The following DNM3 variants were observed in gnomAD, a reference collection of about 807,000 sequenced individuals.
The protein encoded by DNM3 is dynamin-3.
Under a neutral mutation model 101.6 loss-of-function variants are expected in DNM3, and 47 were observed. The ratio of observed to expected loss-of-function variants is 0.46; its 90% CI spans 0.37 to 0.59. The LOEUF (loss-of-function observed/expected upper bound fraction) is 0.59. Ranked by LOEUF, DNM3 falls within the 20% of genes least tolerant of loss-of-function variation. The pLI, the probability that DNM3 is intolerant of heterozygous loss-of-function variation, is 0.00. For missense variants in DNM3, 849 were observed against 1,085.7 expected (o/e 0.78, Z 3.06); for synonymous variants, 385 against 387.9 (o/e 0.99, Z 0.09).
intron 11 of DNM3, among the ~76,000 whole-genome samples, chr1:172,075,931 C>A (rs1436869653): frequency 6.6e-6 from 1 of 152,194 alleles, no homozygotes; most frequent in Non-Finnish European, 1.5e-5. Flanking sequence ...AATATTGATT[C>A]TTCCTATCCA....
intron 17 of DNM3, among the ~76,000 whole-genome samples, chr1:172,347,497 A>G (rs1408590132): frequency 6.6e-6 from 1 of 152,188 alleles, no homozygotes; most frequent in Non-Finnish European, 1.5e-5. Context: ...TGGGGGAATG[A>G]CTTCTAGAAA....
At chr1:172,315,178 G>A (rs1395929857) in intron 16 of DNM3, among the ~76,000 whole-genome samples, 1 of 152,168 alleles carries the variant, frequency 6.6e-6, no homozygotes, top group African/African-American at 2.4e-5. Context: ...GCAGCTGAGG[G>A]TCCTGTCTGT....
intron 2 of DNM3, among the ~76,000 whole-genome samples, chr1:171,952,998 G>T (rs577330705): frequency 6.6e-6 from 1 of 152,146 alleles, no homozygotes; most frequent in East Asian, 1.9e-4. Flanking sequence ...CATGGCTTTT[G>T]GTAAGAAATG....
intron 4 of DNM3, among the ~76,000 whole-genome samples, chr1:171,997,466 G>A (rs1166209044): frequency 2.0e-5 from 3 of 152,140 alleles, no homozygotes; most frequent in Admixed American, 6.5e-5. Context: ...TTAGAGTAAA[G>A]GAGCAGACTA....
At chr1:171,949,007 G>C (rs1216174056) in intron 2 of DNM3, among the ~76,000 whole-genome samples, 1 of 151,970 alleles carries the variant, frequency 6.6e-6, no homozygotes, top group Non-Finnish European at 1.5e-5. Flanking sequence ...TTTTAAAAGA[G>C]AAAAGCATAA....
At chr1:172,059,852 T>C (rs1231542951) in intron 10 of DNM3, among the ~76,000 whole-genome samples, 5 of 121,162 alleles carry the variant, frequency 4.1e-5, no homozygotes, top group Non-Finnish European at 8.4e-5. Flanking sequence ...CCAGGGCAAT[T>C]AGGCAGGAGA....
chr1:172,201,921 A>G (rs1428683761), intron 14 of DNM3, among the ~76,000 whole-genome samples: 1 of 152,138 alleles, frequency 6.6e-6, no homozygotes. Flanking sequence ...TCCAATTTCT[A>G]GTTGCCTTGG....
intron 1 of DNM3, among the ~76,000 whole-genome samples, chr1:171,880,764 GA>G (rs1261342178): frequency 2.0e-5 from 3 of 152,048 alleles, no homozygotes; most frequent in Non-Finnish European, 2.9e-5. Context: ...AATTAGAATA[GA>G]TTTTTTGGTT....
At chr1:171,875,813 C>CCTTTTTTTTTT (rs2035712176) in intron 1 of DNM3, among the ~76,000 whole-genome samples, 1 of 104,682 alleles carries the variant, frequency 9.6e-6, no homozygotes, top group African/African-American at 4.3e-5. Context: ...AGTTGTCTCT[C>CCTTTTTTTTTT]TTTTTTTTTT....
At chr1:172,233,245 G>A (rs2061407336) in intron 14 of DNM3, among the ~76,000 whole-genome samples, 1 of 152,138 alleles carries the variant, frequency 6.6e-6, no homozygotes, top group East Asian at 1.9e-4. Flanking sequence ...TACCATCAGA[G>A]AGTACTATAA....
intron 14 of DNM3, among the ~76,000 whole-genome samples, chr1:172,167,040 G>C (rs554974091): frequency 6.6e-6 from 1 of 151,728 alleles, no homozygotes; most frequent in Non-Finnish European, 1.5e-5. Context: ...ATTTACATTA[G>C]GTATATCTCC....
chr1:172,275,721 A>G (rs1198740082), intron 15 of DNM3, among the ~76,000 whole-genome samples: 2 of 152,056 alleles, frequency 1.3e-5, no homozygotes, highest in Non-Finnish European at 2.9e-5. Flanking sequence ...AGGTGCTGCT[A>G]CTCCTTTGGA....
intron 14 of DNM3, among the ~76,000 whole-genome samples, chr1:172,193,200 C>A (rs491767): frequency 0.24 from 35,905 of 151,892 alleles, 7,106 homozygotes; most frequent in African/African-American, 0.54. Flanking sequence ...TGTTCATGTC[C>A]TTGGCCCCAT....
At chr1:171,860,365 C>T (rs1230905994) in intron 1 of DNM3, among the ~76,000 whole-genome samples, 1 of 152,052 alleles carries the variant, frequency 6.6e-6, no homozygotes, top group Non-Finnish European at 1.5e-5. Context: ...TTGAGATGTG[C>T]TCTAAGTGTA....
chr1:171,865,280 C>G lies in DNM3; in HGVS notation c.161+23463C>G, dbSNP rs1366665693. On this transcript the variant is annotated intron_variant, in intron 1 of 20. Coordinates refer to ENST00000627582, the MANE Select transcript of DNM3 (RefSeq NM_015569.5). ...CCTGTAACCCCAGCACTCTGGGAGG[C>G]TGAGGCAGGCAAATCGCTTGAGCCC... Among the ~76,000 whole-genome samples, 4 of 151,940 alleles carry G rather than the reference C, an allele frequency of 2.6e-5. No homozygotes were observed. The East Asian group carries it at 7.8e-4, about 29-fold the overall frequency.
At chr1:172,173,509 C>G (rs1215755894) in intron 14 of DNM3, among the ~76,000 whole-genome samples, 1 of 136,686 alleles carries the variant, frequency 7.3e-6, no homozygotes. Context: ...TTTTTTTAAA[C>G]AAGGTCTTGC....
chr1:172,294,943 A>G (rs1416739037), intron 15 of DNM3, among the ~76,000 whole-genome samples: 2 of 151,702 alleles, frequency 1.3e-5, no homozygotes, highest in East Asian at 3.9e-4. Flanking sequence ...AAAAAGTTAT[A>G]AGTTTCACTT....
At chr1:172,274,000 C>T (rs1404611700) in intron 15 of DNM3, among the ~76,000 whole-genome samples, 1 of 152,018 alleles carries the variant, frequency 6.6e-6, no homozygotes, top group Non-Finnish European at 1.5e-5. Flanking sequence ...TTGGATGTTT[C>T]TCTTACTTGT....
chr1:172,373,474 T>C (rs148632071), intron 17 of DNM3, among the ~76,000 whole-genome samples: 12 of 152,242 alleles, frequency 7.9e-5, no homozygotes, highest in Admixed American at 7.2e-4. Context: ...GACAATCTGA[T>C]ACACTACAAA....
Sources: gnomAD v4.1 joint callset for allele counts (sites outside exome capture counted in the v4.1 genomes callset) on GRCh38, gnomAD v4.1.1 for gene constraint, MANE v1.5 for transcripts, NCBI Gene and HGNC (gene_info 2026-07-23, HGNC 2026-07-21) for gene names.